Variants in BLTP3A observed in about 807,000 individuals in gnomAD.
The protein encoded by BLTP3A is bridge-like lipid transfer protein family member 3A, also known as ICBP90 binding protein 1.
At chr6:34,804,585 A>G in the BLTP3A span, among the ~76,000 whole-genome samples, 1 of 152,156 alleles carries the variant, frequency 6.6e-6, no homozygotes, top group East Asian at 1.9e-4. Flanking sequence ...GAGATTGCCT[A>G]TGGTTCTGTA....
At chr6:34,862,708 C>G in the BLTP3A span, among the ~76,000 whole-genome samples, 24 of 151,606 alleles carry the variant, frequency 1.6e-4, 2 homozygotes, top group African/African-American at 5.6e-4. Context: ...TTGGCATGCA[C>G]CTGTAGTCCC....
the BLTP3A span, among the ~76,000 whole-genome samples, chr6:34,812,634 A>ATT: frequency 7.0e-6 from 1 of 143,422 alleles, no homozygotes. Flanking sequence ...CAGCTAATTA[A>ATT]TTTTTTTTTT....
the BLTP3A span, among the ~76,000 whole-genome samples, chr6:34,855,132 C>T: frequency 4.6e-5 from 7 of 152,050 alleles, no homozygotes; most frequent in African/African-American, 9.7e-5. Context: ...GTACTTTGTA[C>T]GTATAGTATA....
At chr6:34,844,333 G>C in the BLTP3A span, among the ~76,000 whole-genome samples, 3 of 152,204 alleles carry the variant, frequency 2.0e-5, no homozygotes, top group East Asian at 5.8e-4. Flanking sequence ...TGGAGTCAGT[G>C]GCAAGATGTC....
the BLTP3A span, among the ~76,000 whole-genome samples, chr6:34,851,825 C>T: frequency 6.6e-6 from 1 of 151,728 alleles, no homozygotes; most frequent in Admixed American, 6.6e-5. Context: ...AGCTGGCACC[C>T]AAGCCACAAG....
chr6:34,809,224 C>T, the BLTP3A span, among the ~76,000 whole-genome samples: 1 of 152,012 alleles, frequency 6.6e-6, no homozygotes, highest in Non-Finnish European at 1.5e-5. Flanking sequence ...AAAACCCTGT[C>T]TCTACAAAAA....
the BLTP3A span, among the ~76,000 whole-genome samples, chr6:34,839,636 G>A: frequency 4.9e-4 from 74 of 152,360 alleles, no homozygotes; most frequent in South Asian, 0.01. Flanking sequence ...AAGAACACTC[G>A]GTCGGTGGGG....
chr6:34,837,040 C>T, the BLTP3A span, among the ~76,000 whole-genome samples: 1 of 152,146 alleles, frequency 6.6e-6, no homozygotes, highest in African/African-American at 2.4e-5. Context: ...CTCAAATGAG[C>T]CAATAGGCTG....
chr6:34,845,333 TTTTG>T, the BLTP3A span, among the ~76,000 whole-genome samples: 152 of 152,194 alleles, frequency 1.0e-3, no homozygotes, highest in Middle Eastern at 3.4e-3. Flanking sequence ...GCTATTCTGT[TTTTG>T]TTTGTTTGTT....
chr6:34,794,242 T>G, the BLTP3A span, among the ~76,000 whole-genome samples: 1 of 152,066 alleles, frequency 6.6e-6, no homozygotes, highest in Non-Finnish European at 1.5e-5. Flanking sequence ...GGATGGATAC[T>G]CCATTCTGCA....
chr6:34,855,796 T>G, the BLTP3A span: 1 of 1,580,802 alleles, frequency 6.3e-7, no homozygotes, highest in Non-Finnish European at 8.6e-7. Context: ...AACAGGAGGT[T>G]GCCAGAGATT....
chr6:34,858,427 T>C, the BLTP3A span: 4 of 1,614,194 alleles, frequency 2.5e-6, no homozygotes, highest in African/African-American at 1.3e-5. Context: ...TAAGGCTTCC[T>C]GGGATCTCTG....
At chr6:34,842,894 GC>G in the BLTP3A span, among the ~76,000 whole-genome samples, 1 of 152,104 alleles carries the variant, frequency 6.6e-6, no homozygotes, top group Non-Finnish European at 1.5e-5. Context: ...CCTGCCATTG[GC>G]TGCTTTGCTA....
the BLTP3A span, chr6:34,856,870 T>G: frequency 5.6e-6 from 9 of 1,614,194 alleles, no homozygotes; most frequent in Non-Finnish European, 7.6e-6. Context: ...GCCTCCAGCA[T>G]GGAACCGCTT....
At chr6:34,836,662 T>C in the BLTP3A span, among the ~76,000 whole-genome samples, 1 of 152,112 alleles carries the variant, frequency 6.6e-6, no homozygotes, top group East Asian at 1.9e-4. Flanking sequence ...TTTTTTCCCC[T>C]CACCAAAGTT....
At chr6:34,808,346 CAAAAAAAAAAAAAAA>C in the BLTP3A span, among the ~76,000 whole-genome samples, 1 of 26,734 alleles carries the variant, frequency 3.7e-5, no homozygotes, top group Admixed American at 5.4e-4. Context: ...AACTCCGTCT[CAAAAAAAAAAAAAAA>C]AAAAAAAAAG....
chr6:34,858,230 A>G, the BLTP3A span: 9 of 1,613,992 alleles, frequency 5.6e-6, no homozygotes, highest in African/African-American at 5.3e-5. Context: ...CATGCTCCAC[A>G]TTGTAGTTGT....
At chr6:34,838,592 C>T in the BLTP3A span, among the ~76,000 whole-genome samples, 1 of 152,176 alleles carries the variant, frequency 6.6e-6, no homozygotes, top group East Asian at 1.9e-4. Context: ...TATATCCAGA[C>T]CTCTAATAGA....
the BLTP3A span, among the ~76,000 whole-genome samples, chr6:34,813,879 A>C: frequency 6.6e-6 from 1 of 152,200 alleles, no homozygotes; most frequent in Admixed American, 6.5e-5. Flanking sequence ...TTCCCTCTCC[A>C]GGTGATGAGA....
Sources: gnomAD v4.1 joint callset for allele counts (sites outside exome capture counted in the v4.1 genomes callset) on GRCh38, gnomAD v4.1.1 for gene constraint, MANE v1.5 for transcripts, NCBI Gene and HGNC (gene_info 2026-07-23, HGNC 2026-07-21) for gene names.